CDIN1: variants seen among roughly 807,000 people sequenced by gnomAD.
The protein encoded by CDIN1 is CDAN1-interacting nuclease 1.
A neutral mutation model predicts 45.3 loss-of-function variants in CDIN1; 33 were observed. The observed-to-expected ratio is 0.73, with a 90% CI of 0.55 to 0.97. CDIN1 has a LOEUF of 0.97. Ranked by LOEUF, CDIN1 falls within the 50% of genes least tolerant of loss-of-function variation. The pLI is 0.00. For missense variants in CDIN1, 303 were observed against 339.4 expected, an observed-to-expected ratio of 0.89 and a Z score of 0.84; for synonymous variants, 118 against 124.4, an observed-to-expected ratio of 0.95 and a Z score of 0.34.
intron 3 of CDIN1, among the ~76,000 whole-genome samples, chr15:36,646,662 A>G (rs1488543264): frequency 7.5e-5 from 1 of 13,400 alleles, no homozygotes; most frequent in Non-Finnish European, 1.8e-4. Context: ...GGTTATTTAC[A>G]TGCCAAAAAA....
intron 1 of CDIN1, among the ~76,000 whole-genome samples, chr15:36,607,867 C>T (rs1326298461): frequency 6.6e-6 from 1 of 152,176 alleles, no homozygotes; most frequent in African/African-American, 2.4e-5. Flanking sequence ...GCTCCCCATT[C>T]TCACACTGGC....
intron 1 of CDIN1, among the ~76,000 whole-genome samples, chr15:36,612,072 A>G (rs1009940464): frequency 6.6e-6 from 1 of 152,156 alleles, no homozygotes. Context: ...TCATTCTTCT[A>G]ATGTGATAGA....
intron 5 of CDIN1, among the ~76,000 whole-genome samples, chr15:36,658,760 T>G (rs2040877227): frequency 1.3e-5 from 2 of 152,220 alleles, no homozygotes; most frequent in Admixed American, 1.3e-4. Context: ...TGCTAAAACA[T>G]CATTCAGTAG....
chr15:36,718,210 CTGTT>C (rs898943256), intron 10 of CDIN1, among the ~76,000 whole-genome samples: 3 of 152,202 alleles, frequency 2.0e-5, no homozygotes, highest in Non-Finnish European at 2.9e-5. Flanking sequence ...TCTGAGTTCT[CTGTT>C]TGTTCCATCA....
In CDIN1 at chr15:36,628,022, AT is replaced by A. The variant is rs539199811; in HGVS notation, c.102-16247del. 3.1e-3 allele frequency among the ~76,000 whole-genome samples: 464 copies of A among 150,402 alleles called. 3 individuals are homozygous for A. The highest frequency in any genetic ancestry group is 0.031 in the Middle Eastern group (9 of 294). ...ACAGTAAATGTGTGAAACATTGTAA[AT>A]TTTTTTTTCCCAATTTTAATTAAAT... On this transcript the variant is annotated intron_variant, in intron 1 of 10. Coordinates refer to ENST00000566621, the MANE Select transcript of CDIN1 (RefSeq NM_001321759.2).
intron 10 of CDIN1, among the ~76,000 whole-genome samples, chr15:36,788,104 ATATTTTTTTTTT>A (rs1210804307): frequency 5.8e-4 from 20 of 34,462 alleles, no homozygotes; most frequent in South Asian, 2.1e-3. Flanking sequence ...ATATATATAT[ATATTTTTTTTTT>A]TTTTTTTTTT....
At chr15:36,771,937 A>AG (rs776524651) in intron 10 of CDIN1, among the ~76,000 whole-genome samples, 276 of 151,690 alleles carry the variant, frequency 1.8e-3, no homozygotes, top group Admixed American at 3.2e-3. Context: ...CAAAAAAAAA[A>AG]AAAAAAGAAG....
At chr15:36,673,044 G>A (rs1010790646) in intron 5 of CDIN1, among the ~76,000 whole-genome samples, 3 of 152,104 alleles carry the variant, frequency 2.0e-5, no homozygotes, top group Non-Finnish European at 2.9e-5. Flanking sequence ...AAGAGCAGGT[G>A]TAAGCAGATT....
At chr15:36,612,506 CA>C (rs1487938273) in intron 1 of CDIN1, among the ~76,000 whole-genome samples, 6 of 152,242 alleles carry the variant, frequency 3.9e-5, no homozygotes, top group African/African-American at 1.4e-4. Flanking sequence ...TGGGTTTTAT[CA>C]GATTGGATTC....
intron 10 of CDIN1, among the ~76,000 whole-genome samples, chr15:36,762,626 A>G (rs1268131246): frequency 6.6e-6 from 1 of 151,902 alleles, no homozygotes; most frequent in African/African-American, 2.4e-5. Flanking sequence ...TATATCTCCT[A>G]ATGCTATCCC....
intron 5 of CDIN1, among the ~76,000 whole-genome samples, chr15:36,663,177 A>G (rs2041092703): frequency 6.6e-6 from 1 of 152,178 alleles, no homozygotes; most frequent in Non-Finnish European, 1.5e-5. Flanking sequence ...GAAAGTTTGT[A>G]TGTACAATCT....
At chr15:36,766,655 A>G (rs1305416333) in intron 10 of CDIN1, among the ~76,000 whole-genome samples, 1 of 151,952 alleles carries the variant, frequency 6.6e-6, no homozygotes, top group African/African-American at 2.4e-5. Context: ...TTGACGTGCA[A>G]TTTTCTGATG....
intron 10 of CDIN1, among the ~76,000 whole-genome samples, chr15:36,782,621 C>CAG (rs1356383998): frequency 6.6e-6 from 1 of 151,912 alleles, no homozygotes; most frequent in Admixed American, 6.6e-5. Flanking sequence ...CTAATGCATA[C>CAG]AGAAGGTGTT....
At chr15:36,682,589 C>T (rs1418896102) in intron 5 of CDIN1, among the ~76,000 whole-genome samples, 1 of 147,082 alleles carries the variant, frequency 6.8e-6, no homozygotes, top group Non-Finnish European at 1.5e-5. Flanking sequence ...CATGGAGAAT[C>T]CTGTCTCTAC....
intron 10 of CDIN1, among the ~76,000 whole-genome samples, chr15:36,796,390 A>G (rs2054797887): frequency 1.3e-5 from 2 of 152,242 alleles, no homozygotes; most frequent in Non-Finnish European, 2.9e-5. Context: ...CTGCAGGGGC[A>G]TTACATTTAC....
chr15:36,670,547 A>C (rs565118387), intron 5 of CDIN1, among the ~76,000 whole-genome samples: 50 of 152,236 alleles, frequency 3.3e-4, no homozygotes, highest in Admixed American at 7.2e-4. Flanking sequence ...TGAGGCCATC[A>C]ATATACAGGT....
At chr15:36,649,311 C>T (rs1313852148) in intron 3 of CDIN1, among the ~76,000 whole-genome samples, 1 of 152,146 alleles carries the variant, frequency 6.6e-6, no homozygotes, top group Non-Finnish European at 1.5e-5. Context: ...GACCCTCAGC[C>T]AACTCTGGCA....
At chr15:36,635,739 A>AT (rs1044633338) in intron 1 of CDIN1, among the ~76,000 whole-genome samples, 1 of 152,218 alleles carries the variant, frequency 6.6e-6, no homozygotes, top group Non-Finnish European at 1.5e-5. Flanking sequence ...AAATTAAAAC[A>AT]TTCTGCAGGG....
At chr15:36,755,518 G>A (rs1256960530) in intron 10 of CDIN1, among the ~76,000 whole-genome samples, 1 of 151,996 alleles carries the variant, frequency 6.6e-6, no homozygotes, top group Non-Finnish European at 1.5e-5. Flanking sequence ...AATGACAGTT[G>A]CTGCCATGAG....
Sources: allele counts gnomAD v4.1 joint callset (sites outside exome capture counted in the v4.1 genomes callset), GRCh38; gene constraint gnomAD v4.1.1; transcripts MANE v1.5; gene names NCBI Gene and HGNC (gene_info 2026-07-23, HGNC 2026-07-21).